The following PUM2 variants were observed in gnomAD, a reference collection of about 807,000 sequenced individuals.
The protein encoded by PUM2 is pumilio homolog 2.
PUM2 carries 57 observed loss-of-function variants against 124.5 expected under a neutral mutation model. That is an observed-to-expected ratio of 0.46 (90% CI 0.37 to 0.57). The LOEUF (loss-of-function observed/expected upper bound fraction) is 0.57, where lower values mean the gene tolerates loss of function less well. Ranked by LOEUF, PUM2 falls within the 20% of genes least tolerant of loss-of-function variation. The pLI is 0.00. For missense variants in PUM2, 1,065 were observed against 1,290.6 expected (o/e 0.83, Z 2.68); for synonymous variants, 460 against 446.1 (o/e 1.03, Z -0.39).
intron 13 of PUM2, among the ~76,000 whole-genome samples, chr2:20,270,210 T>A (rs1464382268): frequency 6.6e-6 from 1 of 152,220 alleles, no homozygotes; most frequent in Non-Finnish European, 1.5e-5. Flanking sequence ...TATGACCCTG[T>A]CAGATTTGGC....
intron 2 of PUM2, among the ~76,000 whole-genome samples, chr2:20,326,762 C>T (rs772337278): frequency 4.6e-5 from 7 of 152,086 alleles, no homozygotes; most frequent in Non-Finnish European, 1.0e-4. Flanking sequence ...ACAGGGGAGA[C>T]AAGTGTAAAA....
intron 1 of PUM2, among the ~76,000 whole-genome samples, chr2:20,339,689 A>G (rs1211289066): frequency 6.6e-6 from 1 of 152,176 alleles, no homozygotes; most frequent in East Asian, 1.9e-4. Context: ...AGACCAGCCT[A>G]GCAGACATGG....
At position 20,300,810 on chromosome 2, in the gene PUM2, C is replaced by T. The variant is rs551356175; in HGVS notation, c.884-3132G>A. 2.0e-3 allele frequency among the ~76,000 whole-genome samples: 295 copies of T among 149,988 alleles called. 1 individual carries two copies. The highest frequency in any genetic ancestry group is 4.6e-3 in the South Asian group (22 of 4,734). ...GAGAAAAAAAAAAAAAAAAAAGCTA[C>T]GCATCTGCCTCACAGTTTGCCCTCA... On this transcript the variant is annotated intron_variant, in intron 7 of 20. Coordinates refer to ENST00000361078, the MANE Select transcript of PUM2 (RefSeq NM_015317.5).
chr2:20,313,213 T>C (rs906960576), intron 3 of PUM2, among the ~76,000 whole-genome samples: 10 of 152,088 alleles, frequency 6.6e-5, no homozygotes, highest in African/African-American at 2.4e-4. Context: ...AATTGGCAAA[T>C]GGGATCTAAT....
chr2:20,253,439 G>A (rs181242531), intron 20 of PUM2, among the ~76,000 whole-genome samples: 3 of 152,190 alleles, frequency 2.0e-5, no homozygotes. Flanking sequence ...CTGGGCTCAA[G>A]TGGTCTCCCA....
intron 2 of PUM2, among the ~76,000 whole-genome samples, chr2:20,323,829 A>C (rs552562224): frequency 6.6e-6 from 1 of 151,122 alleles, no homozygotes; most frequent in East Asian, 2.0e-4. Flanking sequence ...TAACTACCAT[A>C]AAAGAGTTCT....
At chr2:20,351,438 C>G (rs1689329841), upstream of PUM2, among the ~76,000 whole-genome samples, 1 of 152,234 alleles carries the variant, frequency 6.6e-6, no homozygotes, top group South Asian at 2.1e-4. Context: ...GTGGAGCCAG[C>G]TCTCAGCAAA....
chr2:20,324,089 T>A (rs1320807377), intron 2 of PUM2, among the ~76,000 whole-genome samples: 2 of 152,202 alleles, frequency 1.3e-5, no homozygotes, highest in Non-Finnish European at 2.9e-5. Context: ...TAAACACTAT[T>A]TGAAATGGCT....
At chr2:20,254,671 TATG>T (rs1664331234) in intron 19 of PUM2, among the ~76,000 whole-genome samples, 189 bp downstream of exon 19, 2 of 152,010 alleles carry the variant, frequency 1.3e-5, no homozygotes, top group African/African-American at 4.8e-5. Flanking sequence ...TAAATGAACA[TATG>T]TGGGCAAAAC....
chr2:20,297,759 A>C, intron 7 of PUM2, 81 bp from the exon 8 acceptor site: 1 of 1,437,784 alleles, frequency 7.0e-7, no homozygotes, highest in South Asian at 1.3e-5. Flanking sequence ...TTCTACTCTG[A>C]ATCTGGGGTG....
chr2:20,320,989 A>G (rs1008566489), intron 2 of PUM2, among the ~76,000 whole-genome samples: 1 of 152,242 alleles, frequency 6.6e-6, no homozygotes, highest in African/African-American at 2.4e-5. Flanking sequence ...TAAGTAATCT[A>G]AAGTTGTAAT....
intron 2 of PUM2, among the ~76,000 whole-genome samples, chr2:20,323,001 C>T (rs1290352116): frequency 6.6e-6 from 1 of 152,182 alleles, no homozygotes; most frequent in African/African-American, 2.4e-5. Context: ...AATGTCATCA[C>T]TTCCAACAGG....
chr2:20,324,421 G>C (rs901303143), intron 2 of PUM2, among the ~76,000 whole-genome samples: 1 of 152,220 alleles, frequency 6.6e-6, no homozygotes, highest in East Asian at 1.9e-4. Context: ...CAAAATAAAA[G>C]ATATTAATTC....
chr2:20,320,599 T>TA (rs1682090677), intron 2 of PUM2, among the ~76,000 whole-genome samples: 1 of 150,664 alleles, frequency 6.6e-6, no homozygotes, highest in Non-Finnish European at 1.5e-5. Flanking sequence ...CTCCATTTTT[T>TA]TAAAAAAAGT....
intron 1 of PUM2, among the ~76,000 whole-genome samples, chr2:20,349,067 A>ACT (rs1254308611): frequency 5.9e-5 from 9 of 152,384 alleles, no homozygotes; most frequent in African/African-American, 2.2e-4. Flanking sequence ...AGAGCAAAGT[A>ACT]AATGTCAGTA....
intron 13 of PUM2, 53 bp from the exon 14 acceptor site, chr2:20,263,513 A>G (rs1666800410): frequency 6.6e-7 from 1 of 1,526,008 alleles, no homozygotes. Context: ...TTATTCCTCA[A>G]ATAAAATTTA....
At chr2:20,286,696 T>C (rs1400129209) in intron 10 of PUM2, among the ~76,000 whole-genome samples, 4 of 152,186 alleles carry the variant, frequency 2.6e-5, no homozygotes, top group Non-Finnish European at 5.9e-5. Context: ...CATTCTTTGG[T>C]TTTATTCTCT....
intron 1 of PUM2, among the ~76,000 whole-genome samples, chr2:20,345,103 T>G (rs541573881): frequency 6.7e-6 from 1 of 150,014 alleles, no homozygotes; most frequent in African/African-American, 2.4e-5. Context: ...TTTTTTTTTT[T>G]GCGGCGGGGC....
chr2:20,290,562 T>C, intron 10 of PUM2, 90 bp downstream of exon 10: 1 of 1,338,114 alleles, frequency 7.5e-7, no homozygotes, highest in Non-Finnish European at 1.0e-6. Flanking sequence ...AGATTTTAAA[T>C]ACAGTTTGAT....
Sources: gnomAD v4.1 joint callset for allele counts (sites outside exome capture counted in the v4.1 genomes callset) on GRCh38, gnomAD v4.1.1 for gene constraint, MANE v1.5 for transcripts, NCBI Gene and HGNC (gene_info 2026-07-23, HGNC 2026-07-21) for gene names.